Variants in PTPRD observed in about 807,000 individuals in gnomAD.
PTPRD encodes the protein receptor-type tyrosine-protein phosphatase delta.
PTPRD carries 34 observed loss-of-function variants against 214.5 expected under a neutral mutation model. That is an observed-to-expected ratio of 0.16 (90% CI 0.12 to 0.21). The LOEUF is 0.21. Ranked by LOEUF, PTPRD falls within the 10% of genes least tolerant of loss-of-function variation. The pLI, the probability that PTPRD is intolerant of heterozygous loss-of-function variation, is 1.00. For synonymous variants in PTPRD, 1,128 were observed against 845.7 expected (o/e 1.33, Z -5.79); for missense variants, 2,545 against 2,398.7 (o/e 1.06, Z -1.27).
chr9:10,444,168 A>C (rs943616133), intron 2 of PTPRD, among the ~76,000 whole-genome samples: 5 of 151,944 alleles, frequency 3.3e-5, no homozygotes, highest in African/African-American at 1.2e-4. Context: ...AGCTTATGTT[A>C]GGTGACTGTA....
Position 9,874,810 on chromosome 9 carries a change from T to C in PTPRD, c.-368+63697A>G, listed in dbSNP as rs188977772. Among the ~76,000 whole-genome samples the C allele has an allele frequency of 3.3e-5, 5 of 152,300 alleles. No homozygotes were observed. In the East Asian group the frequency reaches 5.8e-4, roughly 18 times the overall value. On this transcript the variant is annotated intron_variant, in intron 5 of 45. Coordinates refer to ENST00000381196, the MANE Select transcript of PTPRD (RefSeq NM_002839.4). ...CATTTGGAAACGTATGTAGGATAGA[T>C]CTAAACCTTAATATTTTGTGTCCAG...
At chr9:8,598,263 C>A (rs540917383) in intron 14 of PTPRD, among the ~76,000 whole-genome samples, 2 of 152,142 alleles carry the variant, frequency 1.3e-5, no homozygotes, top group Non-Finnish European at 2.9e-5. Context: ...ACCAGCCTGG[C>A]CAACATGGTG....
In PTPRD at chr9:8,499,687, C is replaced by T. The variant is rs2136811918; in HGVS notation, c.2282G>A (p.Gly761Asp). 2 of 1,613,986 alleles carry T rather than the reference C, an allele frequency of 1.2e-6. No individual in the cohort carries two copies. Among genetic ancestry groups the T allele is most frequent in the Non-Finnish European group, 8.5e-7 (1 of 1,179,946 alleles). The change falls in exon 25 of 46, where the codon GGC (glycine) becomes GAC (aspartate). Residue 761 changes from glycine (G) to aspartate (D), a missense_variant. Gly to Asp is a moderately conservative substitution (Grantham distance 94, BLOSUM62 -1). Transcript: ENST00000381196. ...YVRMENGEPK[G>D]QPMLKDVMLA... is the part of the protein sequence containing the mutation. ...CATGACATCTTTCAGCATGGGCTGG[C>T]CCTTGGGCTCACCATTTTCCATCCT...
At chr9:8,392,255 T>TG (rs2089856335) in intron 36 of PTPRD, among the ~76,000 whole-genome samples, 1 of 151,974 alleles carries the variant, frequency 6.6e-6, no homozygotes, top group South Asian at 2.1e-4. Context: ...GCTGGCATGG[T>TG]GGCTCATGCC....
At chr9:9,892,290 C>A (rs1371331881) in intron 5 of PTPRD, among the ~76,000 whole-genome samples, 1 of 151,954 alleles carries the variant, frequency 6.6e-6, no homozygotes, top group Non-Finnish European at 1.5e-5. Flanking sequence ...TACCTTTGAA[C>A]AGATACAAAA....
chr9:9,168,837 A>C (rs1402365881), intron 10 of PTPRD, among the ~76,000 whole-genome samples: 1 of 152,018 alleles, frequency 6.6e-6, no homozygotes, highest in African/African-American at 2.4e-5. Context: ...TAAATCATTT[A>C]TCTGTTAAAA....
chr9:8,837,868 GT>G (rs1293148411), intron 11 of PTPRD, among the ~76,000 whole-genome samples: 1 of 151,948 alleles, frequency 6.6e-6, no homozygotes, highest in Non-Finnish European at 1.5e-5. Context: ...TTGTTTGCCT[GT>G]TTTATAAGAG....
At chr9:10,414,406 C>A (rs1310545312) in intron 2 of PTPRD, among the ~76,000 whole-genome samples, 1 of 151,800 alleles carries the variant, frequency 6.6e-6, no homozygotes, top group Admixed American at 6.6e-5. Context: ...TCACACCAGT[C>A]AGAATTGCTA....
rs533113224 is a variant in PTPRD at position 9,506,930 on chromosome 9, T to C, written c.-237+67802A>G. 9.9e-5 allele frequency among the ~76,000 whole-genome samples: 15 copies of C among 151,552 alleles called. No individual in the cohort carries two copies. In the South Asian group the frequency reaches 1.9e-3, roughly 19 times the overall value. On this transcript the variant is annotated intron_variant, in intron 8 of 45. Coordinates refer to ENST00000381196, the MANE Select transcript of PTPRD (RefSeq NM_002839.4). ...ATTATGTTTTAAGATTATAGAAAAT[T>C]AAGTAACCCAGTAATTCTATTTCTA...
chr9:9,012,995 A>G (rs1444481486), intron 11 of PTPRD, among the ~76,000 whole-genome samples: 3 of 152,176 alleles, frequency 2.0e-5, no homozygotes, highest in Non-Finnish European at 2.9e-5. Flanking sequence ...TTTGAATGAA[A>G]AAAATAAACA....
chr9:9,174,685 G>C (rs1483078031), intron 10 of PTPRD, among the ~76,000 whole-genome samples: 1 of 152,126 alleles, frequency 6.6e-6, no homozygotes, highest in Non-Finnish European at 1.5e-5. Context: ...AATAACTATA[G>C]TGATTTCTAA....
intron 11 of PTPRD, among the ~76,000 whole-genome samples, chr9:8,929,805 A>ATATGTGTATATATATG (rs1567062289): frequency 8.0e-5 from 8 of 100,176 alleles, no homozygotes; most frequent in South Asian, 3.2e-4. Context: ...GTGTGTATAT[A>ATATGTGTATATATATG]TGTGTATATA....
intron 9 of PTPRD, among the ~76,000 whole-genome samples, chr9:9,329,941 A>T (rs2041680760): frequency 6.6e-6 from 1 of 152,180 alleles, no homozygotes; most frequent in African/African-American, 2.4e-5. Context: ...TCTAGCTGCT[A>T]ATCCCTGTCA....
intron 5 of PTPRD, among the ~76,000 whole-genome samples, chr9:9,930,916 A>G (rs1384368408): frequency 2.6e-5 from 4 of 152,084 alleles, no homozygotes; most frequent in Non-Finnish European, 4.4e-5. Context: ...CGCATTTACT[A>G]GATAGGAATT....
chr9:9,334,972 T>C (rs1412097164), intron 9 of PTPRD, among the ~76,000 whole-genome samples: 4 of 152,022 alleles, frequency 2.6e-5, no homozygotes, highest in Admixed American at 2.0e-4. Context: ...AATGTGATCT[T>C]ATGTTTCAGC....
At chr9:10,230,436 G>GTATA (rs1554901385) in intron 3 of PTPRD, among the ~76,000 whole-genome samples, 1 of 140,636 alleles carries the variant, frequency 7.1e-6, no homozygotes, top group East Asian at 2.0e-4. Context: ...ATGTATCTAT[G>GTATA]TATCTATCTA....
chr9:9,972,451 T>C (rs1414311406), intron 4 of PTPRD, among the ~76,000 whole-genome samples: 3 of 152,220 alleles, frequency 2.0e-5, no homozygotes, highest in Non-Finnish European at 2.9e-5. Flanking sequence ...ATTACTCTTT[T>C]GGGTTAGCAA....
rs1034205803 is a variant in PTPRD, at chr9:8,850,932, A to G, written c.-103-116986T>C. Among the ~76,000 whole-genome samples the G allele has an allele frequency of 2.6e-5, 4 of 152,332 alleles. No individual in the cohort carries two copies. The South Asian group carries it at 8.3e-4, about 32-fold the overall frequency. Reference sequence around the variant, plus strand: ...AATTTTTATTTTAAACATTGAAAACATATGTCTTGTTGACCTATAAGCAGA... The same window carrying G: ...AATTTTTATTTTAAACATTGAAAACGTATGTCTTGTTGACCTATAAGCAGA... On this transcript the variant is annotated intron_variant, in intron 11 of 45. Transcript: ENST00000381196.
At position 9,354,862 on chromosome 9, in the gene PTPRD, G is replaced by A. The variant is rs143599490; in HGVS notation, c.-203+42587C>T. Among the ~76,000 whole-genome samples the A allele has an allele frequency of 1.9e-3, 291 of 151,830 alleles. 1 individual carries two copies. The highest frequency in any genetic ancestry group is 6.4e-3 in the African/African-American group (267 of 41,492). On this transcript the variant is annotated intron_variant, in intron 9 of 45. Coordinates refer to ENST00000381196, the MANE Select transcript of PTPRD (RefSeq NM_002839.4). ...TGAAGATATCTGGAGGAAAAATAATGGAGGGTGAGGTAACAACTAGTGCAA... is the reference window on the plus strand; with the variant it reads ...TGAAGATATCTGGAGGAAAAATAATAGAGGGTGAGGTAACAACTAGTGCAA...
Sources: gnomAD v4.1 joint callset for allele counts (sites outside exome capture counted in the v4.1 genomes callset) on GRCh38, gnomAD v4.1.1 for gene constraint, MANE v1.5 for transcripts, NCBI Gene and HGNC (gene_info 2026-07-23, HGNC 2026-07-21) for gene names.